Variants in SERAC1 observed in about 807,000 individuals in gnomAD.
The protein encoded by SERAC1 is serine active site containing 1.
In SERAC1, 36 loss-of-function variants were observed where a neutral mutation model predicts 85.7. That is an observed-to-expected ratio of 0.42 (90% CI 0.32 to 0.55). The LOEUF is 0.55. Among genes scored for constraint, SERAC1 ranks in the 20% least tolerant of loss-of-function variants. The probability of loss-of-function intolerance (pLI) is 0.11; values close to 1 mark genes in which losing one functional copy is unlikely to be tolerated. For synonymous variants in SERAC1, 242 were observed against 265.3 expected, an observed-to-expected ratio of 0.91 and a Z score of 0.85; for missense variants, 629 against 796.2, an observed-to-expected ratio of 0.79 and a Z score of 2.53.
chr6:158,114,607 G>T, intron 15 of SERAC1, 182 bp downstream of exon 15: 1 of 1,300,972 alleles, frequency 7.7e-7, no homozygotes, highest in Non-Finnish European at 9.8e-7. Flanking sequence ...AATGGCTTAA[G>T]AACAAAATGA....
chr6:158,139,936 T>C (rs960948456), intron 8 of SERAC1, among the ~76,000 whole-genome samples: 9 of 152,198 alleles, frequency 5.9e-5, no homozygotes, highest in African/African-American at 2.2e-4. Context: ...AGATGGACAA[T>C]AACATATATT....
intron 5 of SERAC1, among the ~76,000 whole-genome samples, chr6:158,148,221 C>A (rs1309392991): frequency 6.6e-6 from 1 of 152,192 alleles, no homozygotes; most frequent in Non-Finnish European, 1.5e-5. Flanking sequence ...TAGCTCCACA[C>A]TGTAGATTAA....
chr6:158,119,041 C>T lies in SERAC1; in HGVS notation c.1296G>A (p.Thr432=), dbSNP rs934473824. 9 of 1,612,828 alleles carry T rather than the reference C, an allele frequency of 5.6e-6. No homozygotes were observed. Among genetic ancestry groups the T allele is most frequent in the East Asian group, 2.2e-5 (1 of 44,850 alleles). Residue 432 remains threonine (T), a synonymous_variant, in exon 12 of 17, where the codon ACG becomes ACA. Coordinates refer to ENST00000647468, the MANE Select transcript of SERAC1 (RefSeq NM_032861.4). This position sits in a 1 kb window ranked among gnomAD's most constrained non-coding sequence, Gnocchi z 4.5. ...KPMEDEDRYT[T]CWPKTWLAKD... Reference sequence around the variant, plus strand: ...GTGGCTCCCTTACCTTGGGCCAGCACGTCGTATATCTGTCTTCATCCTCCA... The same window carrying T: ...GTGGCTCCCTTACCTTGGGCCAGCATGTCGTATATCTGTCTTCATCCTCCA...
intron 8 of SERAC1, among the ~76,000 whole-genome samples, chr6:158,141,659 T>C (rs1191019584): frequency 6.6e-6 from 1 of 152,136 alleles, no homozygotes; most frequent in Non-Finnish European, 1.5e-5. Context: ...CGGCCAAATC[T>C]TGTAGGGCAG....
intron 10 of SERAC1, among the ~76,000 whole-genome samples, chr6:158,125,999 G>A (rs1202925577): frequency 6.6e-6 from 1 of 152,062 alleles, no homozygotes; most frequent in Non-Finnish European, 1.5e-5. Context: ...AAAGCAAAGA[G>A]CAAGATGACC....
At chr6:158,146,757 C>A in intron 6 of SERAC1, 25 bp downstream of exon 6, 1 of 1,611,796 alleles carries the variant, frequency 6.2e-7, no homozygotes, top group Non-Finnish European at 8.5e-7. Flanking sequence ...TGAAGGCATG[C>A]CACCTGTTCA....
chr6:158,120,677 T>C lies in SERAC1; in HGVS notation c.1016-102A>G, dbSNP rs1347044791. 7.9e-6 allele frequency: 10 copies of C among 1,267,970 alleles called. No homozygotes were observed. The Admixed American group carries it at 2.2e-4, about 28-fold the overall frequency. 78.5% of individuals were successfully genotyped at this position (1,267,970 alleles called of 1,614,324 possible). A position where few individuals can be genotyped will look rare whatever the true frequency, so the allele number is the denominator to read the frequency against. Reference sequence around the variant, plus strand: ...AATATGATGGGAGAAAGGCAAACCTTGCGTGTCTGTCCTTGGCGGAGAAGT... The same window carrying C: ...AATATGATGGGAGAAAGGCAAACCTCGCGTGTCTGTCCTTGGCGGAGAAGT... On this transcript the variant is annotated intron_variant, in intron 10 of 16. Transcript: ENST00000647468. The surrounding 1 kb of genome is among the most constrained non-coding windows in gnomAD (Gnocchi z 4.4).
At chr6:158,126,939 G>C (rs1381532323) in intron 10 of SERAC1, among the ~76,000 whole-genome samples, 1 of 151,930 alleles carries the variant, frequency 6.6e-6, no homozygotes, top group African/African-American at 2.4e-5. Context: ...TGTAGTCCCA[G>C]CTACTCGGGA....
rs1391925633 is a variant in SERAC1, at chr6:158,120,344, T to G, written c.1166+81A>C. 1 of 1,356,476 alleles carries G rather than the reference T, an allele frequency of 7.4e-7. No homozygotes were observed. Among genetic ancestry groups the G allele is most frequent in the Non-Finnish European group, 1.0e-6 (1 of 1,001,100 alleles). The allele number at this position is 1,356,476 out of a possible 1,614,324, so 84.0% of individuals were successfully genotyped here. A position where few individuals can be genotyped will look rare whatever the true frequency, so the allele number is the denominator to read the frequency against. On this transcript the variant is annotated intron_variant, in intron 11 of 16. Transcript: ENST00000647468. This position sits in a 1 kb window ranked among gnomAD's most constrained non-coding sequence, Gnocchi z 4.4. Reference sequence around the variant, plus strand: ...TAAGTTATTTAACTTATCTGAATTATGCAGAAATAAGTTAAAAATTTGAGG... The same window carrying G: ...TAAGTTATTTAACTTATCTGAATTAGGCAGAAATAAGTTAAAAATTTGAGG...
At chr6:158,123,837 G>A (rs759525111) in intron 10 of SERAC1, among the ~76,000 whole-genome samples, 4 of 152,198 alleles carry the variant, frequency 2.6e-5, no homozygotes, top group Non-Finnish European at 5.9e-5. Flanking sequence ...GTGATGGATT[G>A]GGAGAGGATA....
chr6:158,157,913 C>A lies in SERAC1; in HGVS notation c.91+360G>T, dbSNP rs143698529. The stretch of plus-strand genomic sequence containing the variant: ...AGTAGACTGGAGCCATATCCCGAGC[C>A]CCCGTAAGGCAAAGACAACATCTTC... On this transcript the variant is annotated intron_variant, in intron 2 of 16. Transcript: ENST00000647468. 2.4e-3 allele frequency among the ~76,000 whole-genome samples: 366 copies of A among 152,266 alleles called. 1 individual carries two copies. The highest frequency in any genetic ancestry group is 3.8e-3 in the Non-Finnish European group (261 of 68,002).
rs753128238 is a variant in SERAC1 at position 158,130,380 on chromosome 6, T to G, written c.845A>C (p.His282Pro). ...EMFCLEAIVK[H>P]SEISTHCDKI... ...TTTGAAAATGTAAATTACCTCAGAA[T>G]GTTTTACTATAGCTTCTAAACAGAA... The change falls in exon 9 of 17, where the codon CAT becomes CCT. Residue 282 changes from histidine (H) to proline (P), a missense_variant. Transcript: ENST00000647468. 6.6e-7 allele frequency: 1 copy of G among 1,517,982 alleles called. No homozygotes were observed. Among genetic ancestry groups the G allele is most frequent in the Non-Finnish European group, 8.9e-7 (1 of 1,127,132 alleles). The allele number at this position is 1,517,982 out of a possible 1,614,324, so 94.0% of individuals were successfully genotyped here.
chr6:158,139,588 G>A (rs920808339), intron 8 of SERAC1, among the ~76,000 whole-genome samples: 5 of 152,200 alleles, frequency 3.3e-5, no homozygotes, highest in Non-Finnish European at 5.9e-5. Flanking sequence ...AGGGAGCCAT[G>A]GTGGCTCACA....
At chr6:158,111,593 CAT>C in intron 16 of SERAC1, 91 bp from the exon 17 acceptor site, 1 of 1,021,422 alleles carries the variant, frequency 9.8e-7, no homozygotes, top group Non-Finnish European at 1.4e-6. Context: ...TAGTTCTAGA[CAT>C]TGCTTTGGTT....
Position 158,119,321 on chromosome 6 carries a change from G to A in SERAC1, c.1167-151C>T. 1 of 904,914 alleles carries A rather than the reference G, an allele frequency of 1.1e-6. No individual in the cohort carries two copies. Among genetic ancestry groups the A allele is most frequent in the South Asian group, 2.2e-5 (1 of 44,892 alleles). The allele number at this position is 904,914 out of a possible 1,614,324, so 56.1% of individuals were successfully genotyped here. ...AAGCTCTATAAGCACAGGTTTGCTGGGAAAACCTAGAAGGAGCTTTGGCAA... is the reference window on the plus strand; with the variant it reads ...AAGCTCTATAAGCACAGGTTTGCTGAGAAAACCTAGAAGGAGCTTTGGCAA... On this transcript the variant is annotated intron_variant, in intron 11 of 16. Coordinates refer to ENST00000647468, the MANE Select transcript of SERAC1 (RefSeq NM_032861.4). This position sits in a 1 kb window ranked among gnomAD's most constrained non-coding sequence, Gnocchi z 4.5.
chr6:158,118,505 C>A (rs1468062529), intron 12 of SERAC1, among the ~76,000 whole-genome samples: 1 of 151,390 alleles, frequency 6.6e-6, no homozygotes, highest in Non-Finnish European at 1.5e-5. Flanking sequence ...GTGGTCCCAG[C>A]TACTCAGGAG....
At chr6:158,138,616 G>A (rs1784850393) in intron 8 of SERAC1, among the ~76,000 whole-genome samples, 2 of 152,036 alleles carry the variant, frequency 1.3e-5, no homozygotes, top group South Asian at 2.1e-4. Context: ...TTAGTGATGG[G>A]AGTGGGAGAC....
rs1160854559 is a variant in SERAC1, at chr6:158,110,431, G to A, written c.*935C>T. 6.6e-6 allele frequency: 1 copy of A among 152,146 alleles called. No individual in the cohort carries two copies. The highest frequency in any genetic ancestry group is 1.5e-5 in the Non-Finnish European group (1 of 68,004). The allele number at this position is 152,146 out of a possible 1,614,324, so 9.4% of individuals were successfully genotyped here. On this transcript the variant is annotated 3_prime_UTR_variant, in exon 17 of 17. Transcript: ENST00000647468. ...AAAATGAATTGTATAATTTAAAAGG[G>A]TGAATCTTATGGTATGTAAATTATA...
intron 15 of SERAC1, among the ~76,000 whole-genome samples, chr6:158,114,219 AAC>A (rs1784218382): frequency 6.6e-6 from 1 of 152,348 alleles, no homozygotes. Context: ...ACGTACGGAA[AAC>A]ACAATCTGAC....
Sources: allele counts gnomAD v4.1 joint callset (sites outside exome capture counted in the v4.1 genomes callset), GRCh38; gene constraint gnomAD v4.1.1; non-coding constraint Gnocchi (gnomAD v3.1); transcripts MANE v1.5; gene names NCBI Gene and HGNC (gene_info 2026-07-23, HGNC 2026-07-21).